IL2RA: variants seen among roughly 807,000 people sequenced by gnomAD.
IL2RA encodes interleukin-2 receptor subunit alpha.
In IL2RA, 24 loss-of-function variants were observed where a neutral mutation model predicts 37.8. That is an observed-to-expected ratio of 0.63 (90% confidence interval 0.46 to 0.89). The LOEUF (loss-of-function observed/expected upper bound fraction) is 0.89. IL2RA is among the 40% of genes least tolerant of loss of function. The pLI is 0.00. For missense variants in IL2RA, 319 were observed against 348.6 expected (o/e 0.92, Z 0.68); for synonymous variants, 125 against 114.6 (o/e 1.09, Z -0.58).
At chr10:6,042,147 G>GAAAAAAAAAAAAAAAAAAAAAAAAA (rs1564549478) in intron 1 of IL2RA, among the ~76,000 whole-genome samples, 2 of 1,208 alleles carry the variant, frequency 1.7e-3, no homozygotes, top group East Asian at 0.028. Context: ...AATGTATTAA[G>GAAAAAAAAAAAAAAAAAAAAAAAAA]CAAAAAAAAA....
chr10:6,026,455 G>C (rs1015063815), intron 1 of IL2RA, among the ~76,000 whole-genome samples: 2 of 152,178 alleles, frequency 1.3e-5, no homozygotes, highest in Non-Finnish European at 2.9e-5. Flanking sequence ...ATTAATGACT[G>C]TGCGCCATTT....
rs1462674086 is a variant in IL2RA at position 6,011,911 on chromosome 10, T to C, written c.*961A>G. ...TCCCTTCTCCCTCTTCACTTCCTTC[T>C]TTCTTTCCTTCCTTGCATAAACATT... On this transcript the variant is annotated 3_prime_UTR_variant, in exon 8 of 8. Coordinates refer to ENST00000379959, the MANE Select transcript of IL2RA (RefSeq NM_000417.3). This position sits in a 1 kb window ranked among gnomAD's most constrained non-coding sequence, Gnocchi z 5.2. The C allele has an allele frequency of 6.6e-6, 1 of 152,410 alleles. No individual in the cohort carries two copies. The highest frequency in any genetic ancestry group is 2.4e-5 in the African/African-American group (1 of 41,468). 9.4% of individuals were successfully genotyped at this position (152,410 alleles called of 1,614,324 possible). A position where few individuals can be genotyped will look rare whatever the true frequency, so the allele number is the denominator to read the frequency against.
At chr10:6,019,348 T>C (rs1839339746) in intron 6 of IL2RA, 80 bp downstream of exon 6, 3 of 1,094,480 alleles carry the variant, frequency 2.7e-6, no homozygotes, top group South Asian at 1.2e-5. Flanking sequence ...GCCAACCAAC[T>C]AACCAACCTA....
At chr10:6,019,742 G>T in intron 5 of IL2RA, 128 bp downstream of exon 5, 2 of 923,316 alleles carry the variant, frequency 2.2e-6, no homozygotes. Context: ...CCTGCTCAGA[G>T]GGAGAGGAGG....
At chr10:6,019,327 C>T in intron 6 of IL2RA, 101 bp downstream of exon 6, 1 of 886,972 alleles carries the variant, frequency 1.1e-6, no homozygotes, top group South Asian at 1.3e-5. Flanking sequence ...AACCAACTAA[C>T]CAACCTACCA....
intron 3 of IL2RA, among the ~76,000 whole-genome samples, chr10:6,023,090 TC>T (rs1392677709): frequency 1.3e-5 from 2 of 152,366 alleles, no homozygotes; most frequent in East Asian, 3.9e-4. Flanking sequence ...GAGGTCTGAT[TC>T]CAGCCCTACT....
At chr10:6,053,453 C>CT (rs1180584188) in intron 1 of IL2RA, among the ~76,000 whole-genome samples, 2 of 152,184 alleles carry the variant, frequency 1.3e-5, no homozygotes, top group Admixed American at 6.5e-5. Flanking sequence ...TGGAACAAAG[C>CT]TTGAAGCAAA....
chr10:6,022,318 T>C lies in IL2RA; in HGVS notation c.368-625A>G, dbSNP rs557754004. On this transcript the variant is annotated intron_variant, in intron 3 of 7. Coordinates refer to ENST00000379959, the MANE Select transcript of IL2RA (RefSeq NM_000417.3). This position sits in a 1 kb window ranked among gnomAD's most constrained non-coding sequence, Gnocchi z 4.7. ...AGCCACACCTGAAGGTTGACACACATGCGCCCTTTCAAGACGTCTCAAAAT... is the reference window on the plus strand; with the variant it reads ...AGCCACACCTGAAGGTTGACACACACGCGCCCTTTCAAGACGTCTCAAAAT... 6.6e-6 allele frequency among the ~76,000 whole-genome samples: 1 copy of C among 152,274 alleles called. No individual in the cohort carries two copies. The highest frequency in any genetic ancestry group is 2.1e-4 in the South Asian group (1 of 4,818).
chr10:6,022,454 C>T lies in IL2RA; in HGVS notation c.368-761G>A, dbSNP rs1481222619. Reference sequence around the variant, plus strand: ...AATCTCTGAATTCCCCACCCACAGCCCCCAACCTGGACATATGGAATTGTA... The same window carrying T: ...AATCTCTGAATTCCCCACCCACAGCTCCCAACCTGGACATATGGAATTGTA... On this transcript the variant is annotated intron_variant, in intron 3 of 7. Coordinates refer to ENST00000379959, the MANE Select transcript of IL2RA (RefSeq NM_000417.3). This position sits in a 1 kb window ranked among gnomAD's most constrained non-coding sequence, Gnocchi z 4.7. 6.6e-6 allele frequency among the ~76,000 whole-genome samples: 1 copy of T among 152,320 alleles called. No individual in the cohort carries two copies. Among genetic ancestry groups the T allele is most frequent in the African/African-American group, 2.4e-5 (1 of 41,568 alleles).
chr10:6,030,460 C>T (rs1168774466), intron 1 of IL2RA, among the ~76,000 whole-genome samples: 4 of 152,016 alleles, frequency 2.6e-5, no homozygotes, highest in Non-Finnish European at 4.4e-5. Flanking sequence ...TCAACAGAAA[C>T]AATAGAAGCA....
rs532669310 is a variant in IL2RA at position 6,043,644 on chromosome 10, G to A, written c.65-17619C>T. 3.9e-5 allele frequency among the ~76,000 whole-genome samples: 6 copies of A among 152,162 alleles called. No homozygotes were observed. The South Asian group carries it at 1.2e-3, about 32-fold the overall frequency. Reference sequence around the variant, plus strand: ...GTAGAAATGGGGTTTCACCATGTTGGCCAGGCTAGTCTTGAACTCCTGACC... The same window carrying A: ...GTAGAAATGGGGTTTCACCATGTTGACCAGGCTAGTCTTGAACTCCTGACC... On this transcript the variant is annotated intron_variant, in intron 1 of 7. Coordinates refer to ENST00000379959, the MANE Select transcript of IL2RA (RefSeq NM_000417.3).
chr10:6,030,165 C>G lies in IL2RA; in HGVS notation c.65-4140G>C, dbSNP rs1033742289. Among the ~76,000 whole-genome samples the G allele has an allele frequency of 1.1e-3, 163 of 152,016 alleles. 4 individuals are homozygous for G. Among genetic ancestry groups the G allele is most frequent in the Non-Finnish European group, 4.6e-4 (31 of 67,972 alleles). On this transcript the variant is annotated intron_variant, in intron 1 of 7. Transcript: ENST00000379959. ...CATGCTGTAAGACAATATTAAATAGCCTAACCTACATTTAATTGAATTCCC... is the reference window on the plus strand; with the variant it reads ...CATGCTGTAAGACAATATTAAATAGGCTAACCTACATTTAATTGAATTCCC...
chr10:6,044,289 T>C lies in IL2RA; in HGVS notation c.64+17799A>G, dbSNP rs1278860440. On this transcript the variant is annotated intron_variant, in intron 1 of 7. Coordinates refer to ENST00000379959, the MANE Select transcript of IL2RA (RefSeq NM_000417.3). This position sits in a 1 kb window ranked among gnomAD's most constrained non-coding sequence, Gnocchi z 4.5. ...GTAGAATAAAAGAAAACAGCTTTATTGAAGTGGCAATGTTATAGTTCCGGC... is the reference window on the plus strand; with the variant it reads ...GTAGAATAAAAGAAAACAGCTTTATCGAAGTGGCAATGTTATAGTTCCGGC... Among the ~76,000 whole-genome samples, 1 of 152,244 alleles carries C rather than the reference T, an allele frequency of 6.6e-6. No individual in the cohort carries two copies. Among genetic ancestry groups the C allele is most frequent in the African/African-American group, 2.4e-5 (1 of 41,470 alleles).
rs1329198467 is a variant in IL2RA, at chr10:6,046,373, G to A, written c.64+15715C>T. Among the ~76,000 whole-genome samples the A allele has an allele frequency of 6.6e-6, 1 of 152,192 alleles. No individual in the cohort carries two copies. The highest frequency in any genetic ancestry group is 1.5e-5 in the Non-Finnish European group (1 of 68,042). On this transcript the variant is annotated intron_variant, in intron 1 of 7. Transcript: ENST00000379959. The surrounding 1 kb of genome is among the most constrained non-coding windows in gnomAD (Gnocchi z 4.8). ...TTTTGCTTAAGAAGGGTTCAGTAGA[G>A]ACAAACAGCATCATAAAAGTGTCAA...
rs1001270775 is a variant in IL2RA at position 6,029,102 on chromosome 10, A to G, written c.65-3077T>C. Among the ~76,000 whole-genome samples the G allele has an allele frequency of 4.6e-5, 7 of 151,818 alleles. No homozygotes were observed. The highest frequency in any genetic ancestry group is 9.7e-5 in the African/African-American group (4 of 41,360). On this transcript the variant is annotated intron_variant, in intron 1 of 7. Transcript: ENST00000379959. This position sits in a 1 kb window ranked among gnomAD's most constrained non-coding sequence, Gnocchi z 4.6. ...GACTTAAAGCAGAGGTCAGTAAACTATGACCTGCAGATTTGCTGCCATTTA... is the reference window on the plus strand; with the variant it reads ...GACTTAAAGCAGAGGTCAGTAAACTGTGACCTGCAGATTTGCTGCCATTTA...
At chr10:6,049,352 A>AT (rs1839912313) in intron 1 of IL2RA, among the ~76,000 whole-genome samples, 1 of 152,078 alleles carries the variant, frequency 6.6e-6, no homozygotes, top group African/African-American at 2.4e-5. Context: ...GGTGAGGGTG[A>AT]TTTTCTTTAC....
rs1020249508 is a variant in IL2RA at position 6,015,386 on chromosome 10, G to C, written c.795-2490C>G. Among the ~76,000 whole-genome samples the C allele has an allele frequency of 6.6e-6, 1 of 152,096 alleles. No homozygotes were observed. The highest frequency in any genetic ancestry group is 1.5e-5 in the Non-Finnish European group (1 of 68,000). ...GGGATTACAAGCGTGAGTCTGGCCA[G>C]CTTCCCTGATTCTTAATGCTGTTAG... On this transcript the variant is annotated intron_variant, in intron 7 of 7. Transcript: ENST00000379959. This position sits in a 1 kb window ranked among gnomAD's most constrained non-coding sequence, Gnocchi z 4.9.
At chr10:6,041,290 T>C (rs1392988447) in intron 1 of IL2RA, among the ~76,000 whole-genome samples, 4 of 152,062 alleles carry the variant, frequency 2.6e-5, no homozygotes, top group Non-Finnish European at 4.4e-5. Context: ...AATTTTTTTG[T>C]ATTTTTAGTA....
In IL2RA at chr10:6,015,410, A is replaced by G. The variant is rs997153520; in HGVS notation, c.795-2514T>C. On this transcript the variant is annotated intron_variant, in intron 7 of 7. Coordinates refer to ENST00000379959, the MANE Select transcript of IL2RA (RefSeq NM_000417.3). The surrounding 1 kb of genome is among the most constrained non-coding windows in gnomAD (Gnocchi z 4.9). ...AGCTTCCCTGATTCTTAATGCTGTT[A>G]GCCTAGTGCGGTGATCCTCAGAGTC... Among the ~76,000 whole-genome samples the G allele has an allele frequency of 1.3e-5, 2 of 152,112 alleles. No individual in the cohort carries two copies. The highest frequency in any genetic ancestry group is 2.9e-5 in the Non-Finnish European group (2 of 68,026).
Sources: gnomAD v4.1 joint callset for allele counts (sites outside exome capture counted in the v4.1 genomes callset) on GRCh38, gnomAD v4.1.1 for gene constraint, Gnocchi (gnomAD v3.1) non-coding constraint, MANE v1.5 for transcripts, NCBI Gene and HGNC (gene_info 2026-07-23, HGNC 2026-07-21) for gene names.